The following RAB3GAP2 variants were observed in gnomAD, a reference collection of about 807,000 sequenced individuals.
RAB3GAP2 encodes the protein rab3 GTPase-activating protein non-catalytic subunit.
RAB3GAP2 carries 87 observed loss-of-function variants against 185.3 expected under a neutral mutation model. The ratio of observed to expected loss-of-function variants is 0.47; its 90% CI spans 0.39 to 0.56. The LOEUF is 0.56. Among genes scored for constraint, RAB3GAP2 ranks in the 20% least tolerant of loss-of-function variants. The pLI is 0.00. For missense variants in RAB3GAP2, 1,492 were observed against 1,638.2 expected, an observed-to-expected ratio of 0.91 and a Z score of 1.54; for synonymous variants, 554 against 576.1, an observed-to-expected ratio of 0.96 and a Z score of 0.55.
At chr1:220,264,212 T>G (rs1660189868) in intron 1 of RAB3GAP2, among the ~76,000 whole-genome samples, 2 of 152,104 alleles carry the variant, frequency 1.3e-5, no homozygotes, top group Admixed American at 1.3e-4. Flanking sequence ...AACATTTTCC[T>G]GTGATAAGAC....
At chr1:220,193,005 A>C (rs1424289162) in intron 13 of RAB3GAP2, among the ~76,000 whole-genome samples, 3 of 152,232 alleles carry the variant, frequency 2.0e-5, no homozygotes, top group Non-Finnish European at 2.9e-5. Flanking sequence ...GTGAGAATTG[A>C]AAGAAAGTGC....
At chr1:220,237,535 A>C (rs1659615764) in intron 1 of RAB3GAP2, among the ~76,000 whole-genome samples, 2 of 152,190 alleles carry the variant, frequency 1.3e-5, no homozygotes, top group African/African-American at 4.8e-5. Context: ...ACAATGAAGA[A>C]ATTAAAATAA....
At chr1:220,216,561 T>C (rs149826193) in intron 2 of RAB3GAP2, among the ~76,000 whole-genome samples, 1 of 152,142 alleles carries the variant, frequency 6.6e-6, no homozygotes, top group South Asian at 2.1e-4. Flanking sequence ...ACCTTCTAAG[T>C]GATTAGAGAT....
intron 4 of RAB3GAP2, chr1:220,211,299 T>C (rs545619896): frequency 7.3e-6 from 4 of 546,314 alleles, no homozygotes; most frequent in Non-Finnish European, 1.1e-5. Context: ...CAACTGACTG[T>C]ATACACAACT....
At chr1:220,175,800 C>G (rs747494017) in intron 21 of RAB3GAP2, among the ~76,000 whole-genome samples, 8 of 152,176 alleles carry the variant, frequency 5.3e-5, no homozygotes, top group Non-Finnish European at 1.0e-4. Context: ...TCTTATTTCT[C>G]CCTAGGTTAC....
intron 15 of RAB3GAP2, 80 bp from the exon 16 acceptor site, chr1:220,190,226 T>A: frequency 6.6e-7 from 1 of 1,507,592 alleles, no homozygotes; most frequent in Non-Finnish European, 9.2e-7. Context: ...AACTTTTTTT[T>A]CCTTTATATA....
chr1:220,217,183 T>A (rs368905296), intron 2 of RAB3GAP2, among the ~76,000 whole-genome samples: 7 of 152,182 alleles, frequency 4.6e-5, no homozygotes, highest in Non-Finnish European at 7.3e-5. Context: ...CCTGCTCATC[T>A]CTGTGGGTAG....
rs545960586 is a variant in RAB3GAP2, at chr1:220,194,854, A to G, written c.1130+224T>C. Among the ~76,000 whole-genome samples, 8 of 152,382 alleles carry G rather than the reference A, an allele frequency of 5.2e-5. No homozygotes were observed. The South Asian group carries it at 1.2e-3, about 24-fold the overall frequency. On this transcript the variant is annotated intron_variant, in intron 12 of 34. Coordinates refer to ENST00000358951, the MANE Select transcript of RAB3GAP2 (RefSeq NM_012414.4). ...GTTAAAAAGCACACTCAAGAAATAC[A>G]TCTTGAATACCTAGTATATAACAGG...
intron 1 of RAB3GAP2, among the ~76,000 whole-genome samples, chr1:220,263,263 GTTGA>G (rs1418519533): frequency 2.0e-5 from 3 of 151,996 alleles, no homozygotes; most frequent in African/African-American, 7.2e-5. Flanking sequence ...TTTTCACACT[GTTGA>G]TTGTGTCCTT....
chr1:220,270,563 T>C (rs1407556464), intron 1 of RAB3GAP2, among the ~76,000 whole-genome samples: 1 of 152,198 alleles, frequency 6.6e-6, no homozygotes, highest in African/African-American at 2.4e-5. Flanking sequence ...CCTCACTTAC[T>C]AGTTACAATG....
At position 220,184,251 on chromosome 1, in the gene RAB3GAP2, T is replaced by C. The variant is rs1011562260; in HGVS notation, c.1871-88A>G. The C allele has an allele frequency of 9.1e-5, 112 of 1,232,904 alleles. No homozygotes were observed. In the African/African-American group the frequency reaches 1.5e-3, roughly 17 times the overall value. The allele number at this position is 1,232,904 out of a possible 1,614,324, so 76.4% of individuals were successfully genotyped here. A position where few individuals can be genotyped will look rare whatever the true frequency, so the allele number is the denominator to read the frequency against. On this transcript the variant is annotated intron_variant, in intron 18 of 34. Coordinates refer to ENST00000358951, the MANE Select transcript of RAB3GAP2 (RefSeq NM_012414.4). ...GCTTTCATTAAATCTCTCAATATTA[T>C]GTAATTCCCTGATGCTCTGATGTAT...
chr1:220,176,509 T>C (rs1658292281), intron 21 of RAB3GAP2, among the ~76,000 whole-genome samples: 1 of 152,112 alleles, frequency 6.6e-6, no homozygotes, highest in Non-Finnish European at 1.5e-5. Context: ...ACCAAAACCA[T>C]TTGCCATGGG....
Position 220,157,418 on chromosome 1 carries a change from C to A in RAB3GAP2, c.3407G>T (p.Gly1136Val), listed in dbSNP as rs1464016468. ...GGCCAGTTCCACTATGGAGATTGGT[C>A]CTTCCACGGAGAGCCACGCATCCTC... is the stretch of plus-strand genomic sequence containing the variant. Reference protein sequence around the residue: ...DTEDAWLSVEGPISIVELALE... With the variant: ...DTEDAWLSVEVPISIVELALE... The change falls in exon 31 of 35, where the codon GGA (glycine) becomes GTA (valine). Residue 1136 changes from glycine (G) to valine (V), a missense_variant. By Grantham distance (109) the Gly-to-Val change is moderately radical (BLOSUM62 -3). Around this residue, in one of 5 missense-constraint regions of RAB3GAP2, gnomAD observed 387 missense variants for 455.3 expected, o/e 0.85. Coordinates refer to ENST00000358951, the MANE Select transcript of RAB3GAP2 (RefSeq NM_012414.4). 1 of 1,613,812 alleles carries A rather than the reference C, an allele frequency of 6.2e-7. No homozygotes were observed. The highest frequency in any genetic ancestry group is 2.2e-5 in the East Asian group (1 of 44,884).
intron 9 of RAB3GAP2, chr1:220,200,465 T>A (rs1453774158): frequency 7.0e-6 from 3 of 431,004 alleles, no homozygotes; most frequent in South Asian, 1.9e-5. Flanking sequence ...TATTAATAGG[T>A]ACTCATTTAT....
chr1:220,182,347 G>T lies in RAB3GAP2; in HGVS notation c.2220C>A (p.Phe740Leu), dbSNP rs1365225737. 6.2e-7 allele frequency: 1 copy of T among 1,613,676 alleles called. No homozygotes were observed. The highest frequency in any genetic ancestry group is 8.5e-7 in the Non-Finnish European group (1 of 1,179,886). The change falls in exon 21 of 35, where the codon TTC (phenylalanine) becomes TTA (leucine). Residue 740 changes from phenylalanine (F) to leucine (L), a missense_variant. Around this residue, in one of 5 missense-constraint regions of RAB3GAP2, gnomAD observed 681 missense variants for 689.1 expected, o/e 0.99. Transcript: ENST00000358951. ...CTCCATGCAAACACTTCCAAAAAAAGAAACTACCTGGTAGAAGAAAAACAA... is the reference window on the plus strand; with the variant it reads ...CTCCATGCAAACACTTCCAAAAAAATAAACTACCTGGTAGAAGAAAAACAA... ...SEEEYVALGS[F>L]FFWKCLHGES...
Position 220,205,163 on chromosome 1 carries a change from A to G in RAB3GAP2, c.712+744T>C, listed in dbSNP as rs879521919. Among the ~76,000 whole-genome samples the G allele has an allele frequency of 6.6e-3, 1,011 of 152,326 alleles. 5 individuals carry two copies. Among genetic ancestry groups the G allele is most frequent in the Admixed American group, 8.8e-3 (134 of 15,296 alleles). On this transcript the variant is annotated intron_variant, in intron 8 of 34. Coordinates refer to ENST00000358951, the MANE Select transcript of RAB3GAP2 (RefSeq NM_012414.4). ...GGTACATAAAACAATAGTGTATCTTACAATCAATGGCATGTTGAATTTGAT... is the reference window on the plus strand; with the variant it reads ...GGTACATAAAACAATAGTGTATCTTGCAATCAATGGCATGTTGAATTTGAT...
chr1:220,205,886 T>G, intron 8 of RAB3GAP2, 21 bp downstream of exon 8: 1 of 1,506,912 alleles, frequency 6.6e-7, no homozygotes, highest in South Asian at 1.1e-5. Flanking sequence ...AGAGGTTAAA[T>G]ATTTCTTGCC....
chr1:220,247,540 G>A (rs889265772), intron 1 of RAB3GAP2, among the ~76,000 whole-genome samples: 2 of 152,148 alleles, frequency 1.3e-5, no homozygotes, highest in Non-Finnish European at 2.9e-5. Flanking sequence ...CCTTGTAAGT[G>A]GAAGCTAAGG....
chr1:220,167,422 G>A, intron 25 of RAB3GAP2, 23 bp from the exon 26 acceptor site: 2 of 1,613,000 alleles, frequency 1.2e-6, no homozygotes, highest in South Asian at 2.2e-5. Context: ...AGAAAGCAGT[G>A]ATGTTATTTT....
Sources: allele counts gnomAD v4.1 joint callset (sites outside exome capture counted in the v4.1 genomes callset), GRCh38; gene constraint gnomAD v4.1.1; regional missense constraint gnomAD v4.1.1; transcripts MANE v1.5; gene names NCBI Gene and HGNC (gene_info 2026-07-23, HGNC 2026-07-21).